Variants in CADM2 observed in about 807,000 individuals in gnomAD.
The protein encoded by CADM2 is cell adhesion molecule 2, also known as immunoglobulin superfamily member 4D.
In CADM2, 12 loss-of-function variants were observed where a neutral mutation model predicts 49.8. The observed-to-expected ratio is 0.24, with a 90% confidence interval of 0.15 to 0.39. The LOEUF (loss-of-function observed/expected upper bound fraction) is 0.39. Ranked by LOEUF, CADM2 falls within the 10% of genes least tolerant of loss-of-function variation. CADM2 has a pLI of 1.00. For missense variants in CADM2, 378 were observed against 492.3 expected, an observed-to-expected ratio of 0.77 and a Z score of 2.20; for synonymous variants, 214 against 175.4, an observed-to-expected ratio of 1.22 and a Z score of -1.74.
intron 2 of CADM2, among the ~76,000 whole-genome samples, chr3:85,737,427 G>A (rs984262298): frequency 7.9e-5 from 12 of 152,200 alleles, no homozygotes; most frequent in South Asian, 2.1e-4. Flanking sequence ...TTTGAACAGG[G>A]CAGATGAAAA....
intron 1 of CADM2, among the ~76,000 whole-genome samples, chr3:85,146,298 G>T (rs1283552967): frequency 6.6e-6 from 1 of 152,012 alleles, no homozygotes; most frequent in Non-Finnish European, 1.5e-5. Flanking sequence ...TTGTATTAGG[G>T]TATAAATTAA....
rs985139268 is a variant in CADM2 at position 85,426,681 on chromosome 3, G to A, written c.62-299841G>A. ...TAAAATGTACAATTAAGTTATTATT[G>A]ACTATAGTCACCCAGTTGTGCTTTC... On this transcript the variant is annotated intron_variant, in intron 1 of 9. Transcript: ENST00000383699. 4.6e-5 allele frequency among the ~76,000 whole-genome samples: 7 copies of A among 151,906 alleles called. No individual in the cohort carries two copies. The East Asian group carries it at 1.2e-3, about 25-fold the overall frequency.
intron 3 of CADM2, among the ~76,000 whole-genome samples, chr3:85,827,546 A>G (rs2073976477): frequency 1.3e-5 from 2 of 151,932 alleles, no homozygotes; most frequent in African/African-American, 4.8e-5. Context: ...GGATTATTCT[A>G]TTTATGGAAA....
chr3:85,347,568 T>A (rs1328033901), intron 1 of CADM2, among the ~76,000 whole-genome samples: 3 of 137,870 alleles, frequency 2.2e-5, no homozygotes, highest in Non-Finnish European at 4.6e-5. Context: ...CACATATATA[T>A]AAATATATAT....
chr3:85,071,664 T>C (rs1179743510), intron 1 of CADM2, among the ~76,000 whole-genome samples: 2 of 152,108 alleles, frequency 1.3e-5, no homozygotes, highest in Non-Finnish European at 2.9e-5. Context: ...AATGGCAATA[T>C]ATATTTTTAA....
intron 1 of CADM2, among the ~76,000 whole-genome samples, chr3:85,521,916 T>C (rs910647815): frequency 6.6e-6 from 1 of 152,134 alleles, no homozygotes; most frequent in Non-Finnish European, 1.5e-5. Flanking sequence ...TTCTGCCCTC[T>C]CCCTCAGAAA....
chr3:85,297,195 T>C (rs1330789652), intron 1 of CADM2, among the ~76,000 whole-genome samples: 3 of 152,048 alleles, frequency 2.0e-5, no homozygotes, highest in Non-Finnish European at 2.9e-5. Context: ...ATAAGTTAAG[T>C]AATTTGTCTT....
At chr3:85,885,509 C>T (rs2108398497) in intron 4 of CADM2, among the ~76,000 whole-genome samples, 1 of 151,978 alleles carries the variant, frequency 6.6e-6, no homozygotes, top group Middle Eastern at 3.4e-3. Flanking sequence ...CCCCACCTCC[C>T]CGTATCTACT....
At chr3:85,853,051 G>A (rs2075168284) in intron 3 of CADM2, among the ~76,000 whole-genome samples, 3 of 151,904 alleles carry the variant, frequency 2.0e-5, no homozygotes, top group Admixed American at 2.0e-4. Flanking sequence ...CCTGGATATA[G>A]GTAGCAACTA....
intron 1 of CADM2, among the ~76,000 whole-genome samples, chr3:85,509,050 A>C (rs1177421349): frequency 6.6e-6 from 1 of 152,170 alleles, no homozygotes; most frequent in Non-Finnish European, 1.5e-5. Context: ...TGAAAGAAAG[A>C]AAAAGGAATG....
chr3:85,329,006 G>A (rs1489865129), intron 1 of CADM2, among the ~76,000 whole-genome samples: 2 of 151,908 alleles, frequency 1.3e-5, no homozygotes, highest in Non-Finnish European at 1.5e-5. Flanking sequence ...GTTAAATAGA[G>A]GTTAAGAGGA....
At chr3:85,627,949 A>T (rs921207026) in intron 1 of CADM2, among the ~76,000 whole-genome samples, 5 of 152,078 alleles carry the variant, frequency 3.3e-5, no homozygotes, top group African/African-American at 1.2e-4. Flanking sequence ...GGATTTCCAC[A>T]TCCTGATGAG....
chr3:85,629,035 T>C (rs1279113443), intron 1 of CADM2, among the ~76,000 whole-genome samples: 3 of 151,840 alleles, frequency 2.0e-5, no homozygotes, highest in Non-Finnish European at 2.9e-5. Context: ...GACAGAAATA[T>C]GATGTTAAAA....
chr3:85,903,022 C>A (rs1430297453), intron 5 of CADM2, among the ~76,000 whole-genome samples: 3 of 151,848 alleles, frequency 2.0e-5, no homozygotes, highest in Non-Finnish European at 2.9e-5. Context: ...GTTTTTAATT[C>A]TCCTAATTTC....
At chr3:85,279,911 C>T (rs938129009) in intron 1 of CADM2, among the ~76,000 whole-genome samples, 4 of 151,562 alleles carry the variant, frequency 2.6e-5, no homozygotes, top group Admixed American at 6.6e-5. Flanking sequence ...TTTAGAAGTT[C>T]ATTTTTTATT....
intron 3 of CADM2, among the ~76,000 whole-genome samples, chr3:85,874,470 G>C (rs747187301): frequency 5.4e-4 from 82 of 152,156 alleles, no homozygotes; most frequent in Non-Finnish European, 6.8e-4. Flanking sequence ...TTGTCTCTTT[G>C]ATATAAATGC....
intron 1 of CADM2, among the ~76,000 whole-genome samples, chr3:85,724,585 A>T (rs991225219): frequency 6.6e-6 from 1 of 152,152 alleles, no homozygotes; most frequent in African/African-American, 2.4e-5. Context: ...AAAATGAATA[A>T]GTTAGCACTC....
intron 1 of CADM2, among the ~76,000 whole-genome samples, chr3:85,057,881 G>A (rs1425759970): frequency 1.3e-5 from 2 of 152,060 alleles, no homozygotes; most frequent in Non-Finnish European, 2.9e-5. Flanking sequence ...CTTAACATGT[G>A]GGGTTGTTTT....
At chr3:86,006,774 C>T (rs1432692029) in intron 8 of CADM2, among the ~76,000 whole-genome samples, 1 of 152,100 alleles carries the variant, frequency 6.6e-6, no homozygotes, top group Non-Finnish European at 1.5e-5. Flanking sequence ...GGCGTGGTGG[C>T]TCACACCTGT....
Sources: allele counts gnomAD v4.1 joint callset (sites outside exome capture counted in the v4.1 genomes callset), GRCh38; gene constraint gnomAD v4.1.1; transcripts MANE v1.5; gene names NCBI Gene and HGNC (gene_info 2026-07-23, HGNC 2026-07-21).